PRELID2: variants seen among roughly 807,000 people sequenced by gnomAD.
PRELID2 encodes PRELI domain containing 2.
PRELID2 carries 25 observed loss-of-function variants against 28.4 expected under a neutral mutation model. That is an observed-to-expected ratio of 0.88 (90% confidence interval 0.64 to 1.23). The LOEUF (loss-of-function observed/expected upper bound fraction) is 1.23. PRELID2 is among the 50% of genes most tolerant of loss of function. The pLI, the probability that PRELID2 is intolerant of heterozygous loss-of-function variation, is 0.00. For synonymous variants in PRELID2, 76 were observed against 71.6 expected, an observed-to-expected ratio of 1.06 and a Z score of -0.31; for missense variants, 201 against 214.4, an observed-to-expected ratio of 0.94 and a Z score of 0.39.
the PRELID2 span, among the ~76,000 whole-genome samples, chr5:145,297,050 C>T: frequency 4.0e-5 from 6 of 151,650 alleles, no homozygotes; most frequent in Admixed American, 6.6e-5. Flanking sequence ...TTTGTTTTTT[C>T]CTTGTAAATT....
intron 1 of PRELID2, among the ~76,000 whole-genome samples, chr5:145,578,683 T>C (rs1484974339): frequency 6.6e-6 from 1 of 152,130 alleles, no homozygotes; most frequent in Non-Finnish European, 1.5e-5. Flanking sequence ...TAATGCTTCA[T>C]ACTAATAGAT....
the PRELID2 span, among the ~76,000 whole-genome samples, chr5:145,288,185 A>G: frequency 6.6e-6 from 1 of 152,158 alleles, no homozygotes; most frequent in Non-Finnish European, 1.5e-5. Flanking sequence ...GAAGGAAGTT[A>G]CTATAAGAAG....
chr5:145,413,059 G>A, the PRELID2 span, among the ~76,000 whole-genome samples: 1 of 152,042 alleles, frequency 6.6e-6, no homozygotes, highest in Non-Finnish European at 1.5e-5. Context: ...GATTTTAGGT[G>A]GGGACATAGC....
the PRELID2 span, among the ~76,000 whole-genome samples, chr5:145,253,513 C>A: frequency 6.6e-6 from 1 of 152,024 alleles, no homozygotes; most frequent in Non-Finnish European, 1.5e-5. Context: ...GCTTTTTCTC[C>A]TTTGCATTCA....
chr5:145,353,170 A>G, the PRELID2 span, among the ~76,000 whole-genome samples: 1 of 152,166 alleles, frequency 6.6e-6, no homozygotes, highest in Non-Finnish European at 1.5e-5. Context: ...ATAAAGAAAT[A>G]CCTGAGGATG....
At chr5:145,733,938 A>T (rs10041421) in intron 1 of PRELID2, among the ~76,000 whole-genome samples, 2 of 151,926 alleles carry the variant, frequency 1.3e-5, no homozygotes, top group African/African-American at 4.8e-5. Context: ...GCCCTTATAA[A>T]AGAGAAGTGG....
chr5:145,741,497 T>C (rs1335696661), intron 1 of PRELID2, among the ~76,000 whole-genome samples: 1 of 123,338 alleles, frequency 8.1e-6, no homozygotes, highest in Non-Finnish European at 1.6e-5. Flanking sequence ...ATAAATTATA[T>C]ATAAAATTTA....
At chr5:145,820,336 T>C (rs1266839023) in intron 2 of PRELID2, among the ~76,000 whole-genome samples, 2 of 152,136 alleles carry the variant, frequency 1.3e-5, no homozygotes, top group Non-Finnish European at 2.9e-5. Context: ...GAATCAGGTA[T>C]TCCTTATCTG....
intron 4 of PRELID2, among the ~76,000 whole-genome samples, chr5:145,810,372 T>G (rs752768600): frequency 3.9e-5 from 6 of 152,202 alleles, no homozygotes; most frequent in Admixed American, 1.3e-4. Context: ...CCAAGATCAC[T>G]GCATGAACCT....
chr5:145,721,203 C>A (rs914825276), intron 1 of PRELID2, among the ~76,000 whole-genome samples: 1 of 152,026 alleles, frequency 6.6e-6, no homozygotes. Flanking sequence ...CTCTGGAAAA[C>A]TTTCACACGC....
the PRELID2 span, among the ~76,000 whole-genome samples, chr5:145,401,154 T>C: frequency 6.6e-6 from 1 of 151,996 alleles, no homozygotes; most frequent in Non-Finnish European, 1.5e-5. Flanking sequence ...ATCACGCAGT[T>C]GAAATTTCAA....
chr5:145,785,986 G>A (rs1006984892), intron 5 of PRELID2, among the ~76,000 whole-genome samples: 1 of 152,170 alleles, frequency 6.6e-6, no homozygotes, highest in Non-Finnish European at 1.5e-5. Flanking sequence ...CATGGCCTGA[G>A]CACCCAAAAG....
At chr5:145,720,743 T>C (rs1755965679) in intron 1 of PRELID2, among the ~76,000 whole-genome samples, 1 of 151,068 alleles carries the variant, frequency 6.6e-6, no homozygotes, top group South Asian at 2.1e-4. Flanking sequence ...GGTAGAAAAA[T>C]AACATAAAAT....
intron 1 of PRELID2, among the ~76,000 whole-genome samples, chr5:145,541,787 G>T (rs964264112): frequency 6.6e-6 from 1 of 151,796 alleles, no homozygotes; most frequent in African/African-American, 2.4e-5. Context: ...ATGTCAAAAA[G>T]GATAATTTGG....
In PRELID2 at chr5:145,797,346, C is replaced by T. The variant is rs566224252; in HGVS notation, c.369-799G>A. 8.6e-4 allele frequency among the ~76,000 whole-genome samples: 131 copies of T among 152,188 alleles called. 1 individual carries two copies. The highest frequency in any genetic ancestry group is 3.1e-3 in the African/African-American group (130 of 41,528). On this transcript the variant is annotated intron_variant, in intron 4 of 6. Coordinates refer to ENST00000683046, the MANE Select transcript of PRELID2 (RefSeq NM_205846.3). ...GAGCCACATCAAAGCAGATAAGAAA[C>T]TTTGTTGCTTTTACCTATGATAGCT... is the stretch of plus-strand genomic sequence containing the variant.
chr5:145,555,513 C>T (rs1335388253), intron 1 of PRELID2, among the ~76,000 whole-genome samples: 1 of 152,180 alleles, frequency 6.6e-6, no homozygotes, highest in African/African-American at 2.4e-5. Context: ...TTATTGTCTT[C>T]CCTGTTCATA....
chr5:145,816,009 C>G (rs1754275158), intron 4 of PRELID2, among the ~76,000 whole-genome samples: 1 of 151,710 alleles, frequency 6.6e-6, no homozygotes, highest in African/African-American at 2.4e-5. Context: ...ATTTTATATT[C>G]CCATAAGAAA....
chr5:145,302,677 A>C, the PRELID2 span, among the ~76,000 whole-genome samples: 1 of 151,988 alleles, frequency 6.6e-6, no homozygotes, highest in Admixed American at 6.6e-5. Flanking sequence ...GAAAAATTAA[A>C]TGTGATTAGT....
chr5:145,349,695 A>C, the PRELID2 span, among the ~76,000 whole-genome samples: 43 of 152,292 alleles, frequency 2.8e-4, 1 homozygote, highest in East Asian at 4.8e-3. Flanking sequence ...AATAGCATAC[A>C]TTAAAGACTA....
Sources: gnomAD v4.1 joint callset for allele counts (sites outside exome capture counted in the v4.1 genomes callset) on GRCh38, gnomAD v4.1.1 for gene constraint, MANE v1.5 for transcripts, NCBI Gene and HGNC (gene_info 2026-07-23, HGNC 2026-07-21) for gene names.